CACNA1E: variants seen among roughly 807,000 people sequenced by gnomAD.
The protein encoded by CACNA1E is calcium voltage-gated channel subunit alpha1 E.
CACNA1E carries 40 observed loss-of-function variants against 259.2 expected under a neutral mutation model. That is an observed-to-expected ratio of 0.15 (90% CI 0.12 to 0.20). The LOEUF (loss-of-function observed/expected upper bound fraction) is 0.20. CACNA1E is among the 10% of genes least tolerant of loss of function. CACNA1E has a pLI of 1.00. For synonymous variants in CACNA1E, 1,104 were observed against 1,138.5 expected (o/e 0.97, Z 0.61); for missense variants, 1,874 against 3,040.1 (o/e 0.62, Z 9.02).
At chr1:181,564,694 A>G (rs1461814389) in intron 3 of CACNA1E, among the ~76,000 whole-genome samples, 2 of 152,330 alleles carry the variant, frequency 1.3e-5, no homozygotes, top group Non-Finnish European at 2.9e-5. Context: ...CATCAGAGGA[A>G]TCATGATCTA....
intron 3 of CACNA1E, among the ~76,000 whole-genome samples, chr1:181,531,847 G>A (rs567880374): frequency 6.6e-6 from 1 of 152,162 alleles, no homozygotes; most frequent in Admixed American, 6.5e-5. Flanking sequence ...CTGAGGTCAG[G>A]AGTTTGAGAC....
chr1:181,665,599 G>C (rs1648142254), intron 7 of CACNA1E, among the ~76,000 whole-genome samples: 1 of 152,118 alleles, frequency 6.6e-6, no homozygotes, highest in African/African-American at 2.4e-5. Flanking sequence ...AGCTTGAAGA[G>C]AGGCTTTTAA....
intron 2 of CACNA1E, among the ~76,000 whole-genome samples, chr1:181,440,064 A>G (rs757514162): frequency 6.6e-6 from 1 of 152,254 alleles, no homozygotes; most frequent in Non-Finnish European, 1.5e-5. Context: ...TAGACCTTTC[A>G]AAAGTACTTT....
At chr1:181,587,271 G>A (rs1652161977) in intron 6 of CACNA1E, among the ~76,000 whole-genome samples, 1 of 152,174 alleles carries the variant, frequency 6.6e-6, no homozygotes. Context: ...GAAGACTGAG[G>A]GAGTAAGTGG....
At chr1:181,628,925 T>C (rs553783778) in intron 6 of CACNA1E, among the ~76,000 whole-genome samples, 1 of 152,366 alleles carries the variant, frequency 6.6e-6, no homozygotes, top group South Asian at 2.1e-4. Flanking sequence ...CTTTGCTCAC[T>C]TTCTTTCAGC....
At chr1:181,683,392 T>C (rs1650186610) in intron 7 of CACNA1E, among the ~76,000 whole-genome samples, 1 of 152,228 alleles carries the variant, frequency 6.6e-6, no homozygotes. Context: ...TTCCATGCTC[T>C]TATGCTTGGG....
chr1:181,469,568 CAG>C (rs1662364192), intron 2 of CACNA1E, among the ~76,000 whole-genome samples: 1 of 152,134 alleles, frequency 6.6e-6, no homozygotes, highest in Non-Finnish European at 1.5e-5. Flanking sequence ...CAACAAAAAA[CAG>C]AGCCGAAGAT....
In CACNA1E at chr1:181,801,992, C is replaced by T. The variant is rs1662309596; in HGVS notation, c.*3158C>T. On this transcript the variant is annotated 3_prime_UTR_variant, in exon 48 of 48. Coordinates refer to ENST00000367573, the MANE Select transcript of CACNA1E (RefSeq NM_001205293.3). ...TTACCCCTCATTTCACTTAAGGCTC[C>T]AGACAGACTCCAGGTAGGGAATGCA... is the stretch of plus-strand genomic sequence containing the variant. The T allele has an allele frequency of 6.6e-6, 1 of 152,212 alleles. No individual in the cohort carries two copies. The highest frequency in any genetic ancestry group is 2.4e-5 in the African/African-American group (1 of 41,450). The allele number at this position is 152,212 out of a possible 1,614,324, so 9.4% of individuals were successfully genotyped here. A position where few individuals can be genotyped will look rare whatever the true frequency, so the allele number is the denominator to read the frequency against.
intron 1 of CACNA1E, among the ~76,000 whole-genome samples, chr1:181,385,422 T>C (rs555199908): frequency 6.6e-6 from 1 of 152,376 alleles, no homozygotes; most frequent in Admixed American, 6.5e-5. Flanking sequence ...CTGCTAATTG[T>C]AATAAAGAGC....
In CACNA1E at chr1:181,458,034, G is replaced by A. The variant is rs138500374; in HGVS notation, c.435-25710G>A. Reference sequence around the variant, plus strand: ...GTGTGTGTAAGCCAGCGCCCATAGCGGCTGGAGGCTCCTCCACTCACTTCT... The same window carrying A: ...GTGTGTGTAAGCCAGCGCCCATAGCAGCTGGAGGCTCCTCCACTCACTTCT... On this transcript the variant is annotated intron_variant, in intron 2 of 11. Transcript: ENST00000524607. Among the ~76,000 whole-genome samples, 1,302 of 152,290 alleles carry A rather than the reference G, an allele frequency of 8.5e-3. 14 individuals are homozygous for A. The highest frequency in any genetic ancestry group is 0.012 in the Non-Finnish European group (848 of 68,010).
chr1:181,737,349 C>A (rs955878977), intron 22 of CACNA1E, among the ~76,000 whole-genome samples, 176 bp from the exon 23 acceptor site: 3 of 152,228 alleles, frequency 2.0e-5, no homozygotes, highest in Admixed American at 6.5e-5. Context: ...TTACCTTCCT[C>A]CACTGGGGCT....
At chr1:181,376,443 A>G (rs1655108001) in intron 1 of CACNA1E, among the ~76,000 whole-genome samples, 1 of 152,244 alleles carries the variant, frequency 6.6e-6, no homozygotes, top group African/African-American at 2.4e-5. Flanking sequence ...GCAGTGCAGA[A>G]TATGCCAGGA....
chr1:181,798,034 T>C lies in CACNA1E; in HGVS notation c.6400-258T>C, dbSNP rs148350967. ...GCAAAATCTCAGTCCTTGCCCCAGA[T>C]CTTCTGAGCCTGCATCTGCAGTTTA... is the stretch of plus-strand genomic sequence containing the variant. On this transcript the variant is annotated intron_variant, in intron 47 of 47. Transcript: ENST00000367573. This position sits in a 1 kb window ranked among gnomAD's most constrained non-coding sequence, Gnocchi z 4.2. 6.4e-3 allele frequency among the ~76,000 whole-genome samples: 980 copies of C among 152,292 alleles called. 5 individuals are homozygous for C. The highest frequency in any genetic ancestry group is 9.6e-3 in the Non-Finnish European group (650 of 68,026).
intron 6 of CACNA1E, among the ~76,000 whole-genome samples, chr1:181,593,727 C>T (rs1240506399): frequency 1.3e-5 from 2 of 152,014 alleles, no homozygotes; most frequent in African/African-American, 2.4e-5. Context: ...TTAGTAGAGA[C>T]GGGGTTTCAC....
intron 1 of CACNA1E, among the ~76,000 whole-genome samples, chr1:181,349,823 A>G (rs989341717): frequency 6.6e-6 from 1 of 152,088 alleles, no homozygotes; most frequent in Non-Finnish European, 1.5e-5. Flanking sequence ...AAGAAATGTG[A>G]AAAGGAGCAA....
chr1:181,604,958 A>G lies in CACNA1E; in HGVS notation c.951+24182A>G, dbSNP rs559458457. 2.0e-5 allele frequency among the ~76,000 whole-genome samples: 3 copies of G among 152,240 alleles called. No homozygotes were observed. The East Asian group carries it at 5.8e-4, about 29-fold the overall frequency. On this transcript the variant is annotated intron_variant, in intron 6 of 47. Coordinates refer to ENST00000367573, the MANE Select transcript of CACNA1E (RefSeq NM_001205293.3). The stretch of plus-strand genomic sequence containing the variant: ...GTGTGGGAGACATGAGAGAGGCCTC[A>G]TTTGTCACTCTGAGTCAGGAGGAGG...
intron 7 of CACNA1E, chr1:181,651,670 A>T: frequency 2.2e-6 from 1 of 445,272 alleles, no homozygotes; most frequent in Non-Finnish European, 4.1e-6. Flanking sequence ...CAGGCACAAC[A>T]CTGAACACAG....
At chr1:181,480,880 C>G (rs1305990339), upstream of CACNA1E, among the ~76,000 whole-genome samples, 2 of 152,192 alleles carry the variant, frequency 1.3e-5, no homozygotes, top group Non-Finnish European at 2.9e-5. Context: ...AAAACAGTGC[C>G]TGGCACCTGG....
chr1:181,709,523 C>A (rs1340449800), intron 7 of CACNA1E, among the ~76,000 whole-genome samples: 1 of 152,214 alleles, frequency 6.6e-6, no homozygotes, highest in Admixed American at 6.5e-5. Flanking sequence ...TTTCCCTGCA[C>A]TGTAGCTGGG....
Sources: allele counts gnomAD v4.1 joint callset (sites outside exome capture counted in the v4.1 genomes callset), GRCh38; gene constraint gnomAD v4.1.1; non-coding constraint Gnocchi (gnomAD v3.1); transcripts MANE v1.5; gene names NCBI Gene and HGNC (gene_info 2026-07-23, HGNC 2026-07-21).